Variants in MAML2 observed in about 807,000 individuals in gnomAD.
MAML2 encodes mastermind-like protein 2.
A neutral mutation model predicts 96.1 loss-of-function variants in MAML2; 22 were observed. The ratio of observed to expected loss-of-function variants is 0.23; its 90% CI spans 0.16 to 0.33. The LOEUF (loss-of-function observed/expected upper bound fraction) is 0.33. Among genes scored for constraint, MAML2 ranks in the 10% least tolerant of loss-of-function variants. The pLI is 1.00. For missense variants in MAML2, 1,367 were observed against 1,392.4 expected (o/e 0.98, Z 0.29); for synonymous variants, 561 against 521.3 (o/e 1.08, Z -1.04).
intron 1 of MAML2, among the ~76,000 whole-genome samples, chr11:96,134,497 GA>G (rs1362484033): frequency 6.6e-6 from 1 of 152,180 alleles, no homozygotes; most frequent in East Asian, 1.9e-4. Context: ...TATTTGTTTA[GA>G]AGATCATGCT....
At chr11:96,067,369 A>G (rs926894670) in intron 2 of MAML2, among the ~76,000 whole-genome samples, 2 of 152,206 alleles carry the variant, frequency 1.3e-5, no homozygotes, top group Admixed American at 1.3e-4. Flanking sequence ...CAGAGCACAC[A>G]TTTAGAGAAG....
intron 1 of MAML2, among the ~76,000 whole-genome samples, chr11:96,297,038 T>C (rs1003485769): frequency 1.3e-5 from 2 of 152,116 alleles, no homozygotes; most frequent in African/African-American, 2.4e-5. Context: ...TCCACCCACC[T>C]GTGCACATCA....
chr11:96,077,249 C>A (rs1382972164), intron 2 of MAML2, among the ~76,000 whole-genome samples: 1 of 93,534 alleles, frequency 1.1e-5, no homozygotes, highest in African/African-American at 4.0e-5. Flanking sequence ...TAAAGACAGT[C>A]TCGCTCTGTC....
intron 1 of MAML2, among the ~76,000 whole-genome samples, chr11:96,340,982 T>C (rs1863985013): frequency 6.6e-6 from 1 of 152,114 alleles, no homozygotes; most frequent in Non-Finnish European, 1.5e-5. Flanking sequence ...GCTGGGCTGA[T>C]AAATGCTTTG....
chr11:96,170,273 T>C (rs1861266307), intron 1 of MAML2, among the ~76,000 whole-genome samples: 1 of 152,222 alleles, frequency 6.6e-6, no homozygotes, highest in African/African-American at 2.4e-5. Context: ...GCCCATATCA[T>C]GGGATGAAAG....
At chr11:96,216,329 A>G (rs1304073681) in intron 1 of MAML2, among the ~76,000 whole-genome samples, 1 of 152,166 alleles carries the variant, frequency 6.6e-6, no homozygotes. Flanking sequence ...TATGGCCCTG[A>G]TGAACTCCCA....
chr11:96,122,608 C>T (rs922005105), intron 1 of MAML2, among the ~76,000 whole-genome samples: 2 of 152,096 alleles, frequency 1.3e-5, no homozygotes, highest in African/African-American at 4.8e-5. Context: ...GAAATTCTAT[C>T]TCCAAGGCTG....
At chr11:96,101,696 C>G (rs908610565) in intron 1 of MAML2, among the ~76,000 whole-genome samples, 1 of 152,222 alleles carries the variant, frequency 6.6e-6, no homozygotes, top group Admixed American at 6.5e-5. Context: ...CCATCACCGG[C>G]AGCTCTTTTT....
intron 2 of MAML2, among the ~76,000 whole-genome samples, chr11:96,016,273 T>TGGGGGGGGGGGGGGGGGGGGG (rs1858350877): frequency 1.4e-4 from 1 of 7,356 alleles, no homozygotes; most frequent in Non-Finnish European, 2.9e-4. Context: ...GGGGGGAGGG[T>TGGGGGGGGGGGGGGGGGGGGG]GGGTGGGCAG....
intron 2 of MAML2, among the ~76,000 whole-genome samples, chr11:96,017,220 TGTTA>T (rs1276618875): frequency 6.6e-6 from 1 of 152,194 alleles, no homozygotes; most frequent in Non-Finnish European, 1.5e-5. Flanking sequence ...GCACAACATT[TGTTA>T]GTTAGTAAAT....
intron 1 of MAML2, among the ~76,000 whole-genome samples, chr11:96,107,341 C>G (rs1860040446): frequency 6.6e-6 from 1 of 152,144 alleles, no homozygotes; most frequent in African/African-American, 2.4e-5. Context: ...GGGCCTCAGT[C>G]TCCTCCTCTG....
chr11:96,291,655 T>A (rs1242171884), intron 1 of MAML2, among the ~76,000 whole-genome samples: 1 of 152,254 alleles, frequency 6.6e-6, no homozygotes. Flanking sequence ...ATATAATTTA[T>A]ACTTGCCTTA....
chr11:96,208,771 A>G (rs1180251936), intron 1 of MAML2, among the ~76,000 whole-genome samples: 1 of 152,216 alleles, frequency 6.6e-6, no homozygotes, highest in Non-Finnish European at 1.5e-5. Context: ...AAGCTAATCA[A>G]GGAGGCACCA....
intron 1 of MAML2, among the ~76,000 whole-genome samples, chr11:96,185,604 A>G (rs991934279): frequency 2.0e-5 from 3 of 152,224 alleles, no homozygotes; most frequent in Non-Finnish European, 4.4e-5. Flanking sequence ...GCAGACTGGC[A>G]TCACCTGGGA....
At chr11:96,105,335 T>A (rs1443843566) in intron 1 of MAML2, among the ~76,000 whole-genome samples, 1 of 152,154 alleles carries the variant, frequency 6.6e-6, no homozygotes, top group Non-Finnish European at 1.5e-5. Context: ...GGAGATTACA[T>A]CTCCACCAAT....
intron 2 of MAML2, among the ~76,000 whole-genome samples, chr11:96,068,618 G>A (rs753832802): frequency 1.9e-4 from 29 of 152,174 alleles, no homozygotes; most frequent in Non-Finnish European, 3.2e-4. Context: ...CATGAGGTCA[G>A]GAGATCGAGA....
chr11:96,289,431 G>A (rs1167446625), intron 1 of MAML2, among the ~76,000 whole-genome samples: 5 of 152,154 alleles, frequency 3.3e-5, no homozygotes, highest in African/African-American at 1.2e-4. Context: ...AATGTTTGCA[G>A]AATCCCATAT....
chr11:96,176,918 G>T (rs1425639615), intron 1 of MAML2, among the ~76,000 whole-genome samples: 1 of 152,134 alleles, frequency 6.6e-6, no homozygotes, highest in Admixed American at 6.5e-5. Context: ...GACTGAGCAC[G>T]CTATATGCCA....
At chr11:96,160,426 AAT>A (rs1491170569) in intron 1 of MAML2, among the ~76,000 whole-genome samples, 34 of 85,968 alleles carry the variant, frequency 4.0e-4, no homozygotes, top group African/African-American at 1.1e-3. Context: ...TCAGTTTTCC[AAT>A]TTTTTTTTTT....
Sources: allele counts gnomAD v4.1 joint callset (sites outside exome capture counted in the v4.1 genomes callset), GRCh38; gene constraint gnomAD v4.1.1; transcripts MANE v1.5; gene names NCBI Gene and HGNC (gene_info 2026-07-23, HGNC 2026-07-21).